Variants in LRRC46 observed in about 807,000 individuals in gnomAD.
The protein encoded by LRRC46 is leucine-rich repeat-containing protein 46.
A neutral mutation model predicts 28.0 loss-of-function variants in LRRC46; 20 were observed. The ratio of observed to expected loss-of-function variants is 0.71; its 90% CI spans 0.50 to 1.04. The LOEUF (loss-of-function observed/expected upper bound fraction) is 1.04, where lower values mean the gene tolerates loss of function less well. LRRC46 is among the 50% of genes least tolerant of loss of function. The probability of loss-of-function intolerance (pLI) is 0.00; values close to 1 mark genes in which losing one functional copy is unlikely to be tolerated. For missense variants in LRRC46, 315 were observed against 390.1 expected (o/e 0.81, Z 1.62); for synonymous variants, 156 against 158.8 (o/e 0.98, Z 0.13).
rs772897424 is a variant in LRRC46 at position 47,835,789 on chromosome 17, C to G, written c.382+14C>G. ...CATTGAAGCTGGGTAGGAACCCACT[C>G]GCCCTGGCTCACCAAACACATCCCC... On this transcript the variant is annotated intron_variant, in intron 5 of 7. Coordinates refer to ENST00000269025, the MANE Select transcript of LRRC46 (RefSeq NM_033413.4). The G allele has an allele frequency of 3.1e-6, 5 of 1,605,202 alleles. No homozygotes were observed. The highest frequency in any genetic ancestry group is 1.7e-6 in the Non-Finnish European group (2 of 1,172,024).
At position 47,835,667 on chromosome 17, in the gene LRRC46, T is replaced by G; in HGVS notation, c.274T>G (p.Phe92Val). The stretch of plus-strand genomic sequence containing the variant: ...CTGTACCCCTTCCTTCCCCTACAGC[T>G]TCCTGTCTCTGGCAGGAAACCAAAT... ...ENLACIPSLR[F>V]LSLAGNQIRQ... is the part of the protein sequence containing the mutation. Residue 92 changes from phenylalanine to valine, a missense_variant and splice_region_variant, in exon 5 of 8, where the codon TTC becomes GTC. Transcript: ENST00000269025. 6.2e-7 allele frequency: 1 copy of G among 1,613,888 alleles called. No homozygotes were observed. The highest frequency in any genetic ancestry group is 2.2e-5 in the East Asian group (1 of 44,880).
At chr17:47,835,584 C>T in intron 4 of LRRC46, 82 bp from the exon 5 acceptor site, 1 of 1,468,174 alleles carries the variant, frequency 6.8e-7, no homozygotes, top group Non-Finnish European at 9.5e-7. Flanking sequence ...AGCCCAGGGG[C>T]CCCGGTGTCA....
Position 47,835,672 on chromosome 17 carries a change from G to C in LRRC46, c.279G>C (p.Leu93=). ...NLACIPSLRF[L]SLAGNQIRQV... ...CCCCTTCCTTCCCCTACAGCTTCCT[G>C]TCTCTGGCAGGAAACCAAATCAGGC... The change falls in exon 5 of 8, where the codon CTG becomes CTC. Residue 93 remains leucine, a synonymous_variant. Coordinates refer to ENST00000269025, the MANE Select transcript of LRRC46 (RefSeq NM_033413.4). 1 of 1,613,958 alleles carries C rather than the reference G, an allele frequency of 6.2e-7. No homozygotes were observed.
chr17:47,835,607 T>G (rs2033684511), intron 4 of LRRC46, 59 bp from the exon 5 acceptor site: 1 of 1,563,190 alleles, frequency 6.4e-7, no homozygotes, highest in East Asian at 2.2e-5. Context: ...TGCCCTCCTC[T>G]TTTCTTCCAG....
Position 47,836,212 on chromosome 17 carries a change from C to T in LRRC46, c.452+110C>T. On this transcript the variant is annotated intron_variant, in intron 6 of 7. Coordinates refer to ENST00000269025, the MANE Select transcript of LRRC46 (RefSeq NM_033413.4). This position sits in a 1 kb window ranked among gnomAD's most constrained non-coding sequence, Gnocchi z 5.8. ...GGGTCCTGTCCATGACACCTTCTCC[C>T]CCACCTCCTACCTAGCTCATGAGCC... 12 of 1,572,676 alleles carry T rather than the reference C, an allele frequency of 7.6e-6. No homozygotes were observed. Among genetic ancestry groups the T allele is most frequent in the Non-Finnish European group, 1.0e-5 (12 of 1,145,926 alleles).
At position 47,836,654 on chromosome 17, in the gene LRRC46, C is replaced by T. The variant is rs1281182910; in HGVS notation, c.596-96C>T. On this transcript the variant is annotated intron_variant, in intron 7 of 7. Transcript: ENST00000269025. The surrounding 1 kb of genome is among the most constrained non-coding windows in gnomAD (Gnocchi z 5.8). The stretch of plus-strand genomic sequence containing the variant: ...GCCTCAGGCTCCTTCCCACAAGGGA[C>T]AAGGGGCCAGCCAGAGACTTCCCTG... The T allele has an allele frequency of 4.6e-6, 7 of 1,532,226 alleles. No homozygotes were observed. In the African/African-American group the frequency reaches 8.4e-5, roughly 18 times the overall value. The allele number at this position is 1,532,226 out of a possible 1,614,324, so 94.9% of individuals were successfully genotyped here.
At chr17:47,834,730 AC>A in intron 3 of LRRC46, 197 bp downstream of exon 3, 1 of 486,252 alleles carries the variant, frequency 2.1e-6, no homozygotes. Context: ...CCTGAACATG[AC>A]CTGTGCTCCT....
chr17:47,835,835 C>A, intron 5 of LRRC46, 60 bp downstream of exon 5: 1 of 1,443,310 alleles, frequency 6.9e-7, no homozygotes, highest in Non-Finnish European at 9.8e-7. Context: ...GCCCTCCCCT[C>A]TGCACCCATC....
rs962557639 is a variant in LRRC46, at chr17:47,836,277, G to A, written c.453-56G>A. ...TGTGAGTGCTGTGGTGCGTGTCTTT[G>A]CATCCTCCACGCCAGGGTGCCCTCC... On this transcript the variant is annotated intron_variant, in intron 6 of 7. Coordinates refer to ENST00000269025, the MANE Select transcript of LRRC46 (RefSeq NM_033413.4). The surrounding 1 kb of genome is among the most constrained non-coding windows in gnomAD (Gnocchi z 5.8). 6.2e-7 allele frequency: 1 copy of A among 1,605,634 alleles called. No homozygotes were observed.
In LRRC46 at chr17:47,837,385, G is replaced by A. The variant is rs780918682; in HGVS notation, c.*265G>A. 6.2e-5 allele frequency: 30 copies of A among 484,880 alleles called. No individual in the cohort carries two copies. The highest frequency in any genetic ancestry group is 8.9e-5 in the Non-Finnish European group (25 of 281,406). 30.0% of individuals were successfully genotyped at this position (484,880 alleles called of 1,614,324 possible). A position where few individuals can be genotyped will look rare whatever the true frequency, so the allele number is the denominator to read the frequency against. On this transcript the variant is annotated 3_prime_UTR_variant, in exon 8 of 8. Coordinates refer to ENST00000269025, the MANE Select transcript of LRRC46 (RefSeq NM_033413.4). ...CAGGGCAGGCATGCCTCAGGCCCCC[G>A]CTGGCTTCCTGGCTCCCACTTGGGC...
Position 47,836,242 on chromosome 17 carries a change from C to A in LRRC46, c.453-91C>A, listed in dbSNP as rs907724450. 6.3e-7 allele frequency: 1 copy of A among 1,589,706 alleles called. No individual in the cohort carries two copies. The highest frequency in any genetic ancestry group is 1.3e-5 in the African/African-American group (1 of 74,490). ...CTCCTACCTAGCTCATGAGCCACCA[C>A]CCCTCCGGGTGTGAGTGCTGTGGTG... On this transcript the variant is annotated intron_variant, in intron 6 of 7. Coordinates refer to ENST00000269025, the MANE Select transcript of LRRC46 (RefSeq NM_033413.4). This position sits in a 1 kb window ranked among gnomAD's most constrained non-coding sequence, Gnocchi z 5.8.
At position 47,832,167 on chromosome 17, in the gene LRRC46, C is replaced by T. The variant is rs199833911; in HGVS notation, c.78C>T (p.Asn26=). ...CITEALITKR[N]LTFPEDGELS... The stretch of plus-strand genomic sequence containing the variant: ...CTGAAGCCCTTATCACTAAGCGGAA[C>T]TTGACTTTCCCTGAAGATGGGGAAC... The change falls in exon 2 of 8, where the codon AAC becomes AAT. Residue 26 remains asparagine, a synonymous_variant. Coordinates refer to ENST00000269025, the MANE Select transcript of LRRC46 (RefSeq NM_033413.4). 4.2e-5 allele frequency: 68 copies of T among 1,602,044 alleles called. No homozygotes were observed. Among genetic ancestry groups the T allele is most frequent in the Non-Finnish European group, 5.5e-5 (65 of 1,172,702 alleles).
intron 2 of LRRC46, chr17:47,833,849 C>A (rs569986049): frequency 9.6e-6 from 8 of 829,896 alleles, no homozygotes; most frequent in Non-Finnish European, 1.2e-5. Flanking sequence ...CTCCTGGGCT[C>A]GAGCGATCCT....
In LRRC46 at chr17:47,836,432, TGAG is replaced by T. The variant is rs761726518; in HGVS notation, c.556_558del (p.Glu186del). 1.2e-6 allele frequency: 2 copies of T among 1,614,094 alleles called. No individual in the cohort carries two copies. The highest frequency in any genetic ancestry group is 2.2e-5 in the East Asian group (1 of 44,878). On this transcript the variant is annotated inframe_deletion, in exon 7 of 8. Coordinates refer to ENST00000269025, the MANE Select transcript of LRRC46 (RefSeq NM_033413.4). This position sits in a 1 kb window ranked among gnomAD's most constrained non-coding sequence, Gnocchi z 5.8. The stretch of plus-strand genomic sequence containing the variant: ...ATGAGGAGGATGAAGCCTCAAGCGA[TGAG>T]GAGTTCCCAGAGCTGAGTGGCCCAT...
intron 3 of LRRC46, 168 bp downstream of exon 3, chr17:47,834,701 T>C: frequency 1.9e-6 from 1 of 536,210 alleles, no homozygotes; most frequent in Non-Finnish European, 3.3e-6. Flanking sequence ...ATTGAAAAAC[T>C]AATTCCCTCA....
At chr17:47,834,556 C>A in intron 3 of LRRC46, 23 bp downstream of exon 3, 1 of 1,524,448 alleles carries the variant, frequency 6.6e-7, no homozygotes, top group South Asian at 1.1e-5. Flanking sequence ...TCCACCCTTC[C>A]CCTCCCCTTG....
chr17:47,835,563 A>G, intron 4 of LRRC46, 103 bp from the exon 5 acceptor site: 1 of 1,377,396 alleles, frequency 7.3e-7, no homozygotes, highest in Non-Finnish European at 1.0e-6. Flanking sequence ...CCCACTGGTC[A>G]TCAGCTGCCT....
intron 3 of LRRC46, chr17:47,835,104 T>G: frequency 2.0e-6 from 1 of 506,120 alleles, no homozygotes; most frequent in Non-Finnish European, 3.5e-6. Context: ...CACTCTTTGG[T>G]TGTGGAATCA....
At position 47,834,498 on chromosome 17, in the gene LRRC46, G is replaced by A. The variant is rs917934232; in HGVS notation, c.190G>A (p.Gly64Ser). Reference sequence around the variant, plus strand: ...GATTACTACTATCAGGAACTTAGAAGGCCTCCAGAATCTTCACAGTCTCTA... The same window carrying A: ...GATTACTACTATCAGGAACTTAGAAAGCCTCCAGAATCTTCACAGTCTCTA... ...EGITTIRNLE[G>S]LQNLHSLYLQ... The change falls in exon 3 of 8, where the codon GGC (glycine) becomes AGC (serine). Residue 64 changes from glycine to serine, a missense_variant. Coordinates refer to ENST00000269025, the MANE Select transcript of LRRC46 (RefSeq NM_033413.4). The A allele has an allele frequency of 6.2e-7, 1 of 1,613,334 alleles. No homozygotes were observed. The highest frequency in any genetic ancestry group is 8.5e-7 in the Non-Finnish European group (1 of 1,179,430).
Sources: gnomAD v4.1 joint callset for allele counts on GRCh38, gnomAD v4.1.1 for gene constraint, Gnocchi (gnomAD v3.1) non-coding constraint, MANE v1.5 for transcripts, NCBI Gene and HGNC (gene_info 2026-07-23, HGNC 2026-07-21) for gene names.